The following MCRIP2 variants were observed in gnomAD, a reference collection of about 807,000 sequenced individuals.
The protein encoded by MCRIP2 is MAPK regulated corepressor interacting protein 2, also known as MAPK regulated co-repressor interacting protein 2.
MCRIP2 carries 21 observed loss-of-function variants against 23.2 expected under a neutral mutation model. The ratio of observed to expected loss-of-function variants is 0.90; its 90% CI spans 0.64 to 1.30. MCRIP2 has a LOEUF of 1.30. MCRIP2 is among the 50% of genes most tolerant of loss of function. The probability of loss-of-function intolerance (pLI) is 0.00; values close to 1 mark genes in which losing one functional copy is unlikely to be tolerated. For missense variants in MCRIP2, 234 were observed against 223.2 expected, an observed-to-expected ratio of 1.05 and a Z score of -0.31; for synonymous variants, 121 against 100.2, an observed-to-expected ratio of 1.21 and a Z score of -1.24.
rs762030167 is a variant in MCRIP2, at chr16:648,327, T to C, written c.*137T>C. ...GCATTTGGACTTTTGCACCTTTTTT[T>C]CCCTTGGCCCGGCTGTCCCAACCAA... On this transcript the variant is annotated 3_prime_UTR_variant, in exon 5 of 5. Coordinates refer to ENST00000307650, the MANE Select transcript of MCRIP2 (RefSeq NM_138418.4). The C allele has an allele frequency of 1.5e-5, 13 of 895,570 alleles. No individual in the cohort carries two copies. The South Asian group carries it at 1.8e-4, about 13-fold the overall frequency. The allele number at this position is 895,570 out of a possible 1,614,324, so 55.5% of individuals were successfully genotyped here.
At chr16:647,050 CAG>C (rs2037500811) in intron 2 of MCRIP2, 2 of 279,648 alleles carry the variant, frequency 7.2e-6, no homozygotes. Context: ...TGGCTCAGGT[CAG>C]AATCTGGGCT....
rs1236556780 is a variant in MCRIP2 at position 641,988 on chromosome 16, C to T, written c.-4C>T. On this transcript the variant is annotated 5_prime_UTR_variant, in exon 1 of 5. Transcript: ENST00000307650. ...GGCCGGCGGCGGTGTGGGAGCGGCG[C>T]GTCATGTACACCATCACCAAGGGGC... is the stretch of plus-strand genomic sequence containing the variant. 2.7e-5 allele frequency: 35 copies of T among 1,319,392 alleles called. No individual in the cohort carries two copies. Among genetic ancestry groups the T allele is most frequent in the Admixed American group, 3.9e-5 (1 of 25,532 alleles). 81.7% of individuals were successfully genotyped at this position (1,319,392 alleles called of 1,614,324 possible). A position where few individuals can be genotyped will look rare whatever the true frequency, so the allele number is the denominator to read the frequency against.
chr16:643,136 C>T (rs984681277), intron 2 of MCRIP2: 1 of 152,314 alleles, frequency 6.6e-6, no homozygotes, highest in Non-Finnish European at 1.5e-5. Flanking sequence ...GGGGCTCCAT[C>T]CTAGTGAGGT....
chr16:647,251 C>A, intron 2 of MCRIP2, 166 bp from the exon 3 acceptor site: 1 of 877,294 alleles, frequency 1.1e-6, no homozygotes. Flanking sequence ...GCAAGAGAGG[C>A]CTGGGCCACC....
At chr16:644,146 A>C (rs976624199) in intron 2 of MCRIP2, among the ~76,000 whole-genome samples, 1 of 151,480 alleles carries the variant, frequency 6.6e-6, no homozygotes, top group Non-Finnish European at 1.5e-5. Context: ...CAATGGCAGG[A>C]TCTCCGCTCA....
Position 648,442 on chromosome 16 carries a change from G to C in MCRIP2, c.*252G>C. On this transcript the variant is annotated 3_prime_UTR_variant, in exon 5 of 5. Transcript: ENST00000307650. The stretch of plus-strand genomic sequence containing the variant: ...GACCAGCCCCTGGGGCTGGCAGGGA[G>C]GAGCTCCAGGCTAATAAAGTGGAGA... 2 of 559,140 alleles carry C rather than the reference G, an allele frequency of 3.6e-6. No homozygotes were observed. The highest frequency in any genetic ancestry group is 2.2e-5 in the South Asian group (1 of 46,470). 34.6% of individuals were successfully genotyped at this position (559,140 alleles called of 1,614,324 possible). A position where few individuals can be genotyped will look rare whatever the true frequency, so the allele number is the denominator to read the frequency against.
Position 642,133 on chromosome 16 carries a change from G to A in MCRIP2, c.66G>A (p.Gln22=). 1 of 1,369,870 alleles carries A rather than the reference G, an allele frequency of 7.3e-7. No individual in the cohort carries two copies. Among genetic ancestry groups the A allele is most frequent in the South Asian group, 1.6e-5 (1 of 62,608 alleles). 84.9% of individuals were successfully genotyped at this position (1,369,870 alleles called of 1,614,324 possible). ...CGGTGCCCGCAGGTCCCACGCAGCA[G>A]CAGGTGGAGGGCCGGCTCGGCGAGC... is the stretch of plus-strand genomic sequence containing the variant. The part of the protein sequence containing the change: ...VAQRRTGPTQ[Q]QVEGRLGELL... The change falls in exon 2 of 5, where the codon CAG becomes CAA. Residue 22 remains glutamine, a synonymous_variant. Coordinates refer to ENST00000307650, the MANE Select transcript of MCRIP2 (RefSeq NM_138418.4).
intron 2 of MCRIP2, among the ~76,000 whole-genome samples, chr16:644,674 G>A (rs777937842): frequency 7.2e-5 from 11 of 152,160 alleles, no homozygotes; most frequent in Non-Finnish European, 1.6e-4. Context: ...TCCTGGGCTC[G>A]AGCAATTCTC....
At position 647,454 on chromosome 16, in the gene MCRIP2, C is replaced by T. The variant is rs771395878; in HGVS notation, c.220C>T (p.Arg74Trp). The change falls in exon 3 of 5, where the codon CGG becomes TGG. Residue 74 changes from arginine (R) to tryptophan (W), a missense_variant. By Grantham distance (101) the Arg-to-Trp change is moderately radical. Coordinates refer to ENST00000307650, the MANE Select transcript of MCRIP2 (RefSeq NM_138418.4). The stretch of plus-strand genomic sequence containing the variant: ...GCTTGTGTTCAATCGTGTGAATGGC[C>T]GGCGGGCCCCCTCCACGTCCCCATC... ...PRLVFNRVNG[R>W]RAPSTSPSFE... 1.2e-5 allele frequency: 19 copies of T among 1,613,342 alleles called. No individual in the cohort carries two copies. The highest frequency in any genetic ancestry group is 5.0e-5 in the Admixed American group (3 of 60,002).
intron 2 of MCRIP2, 186 bp downstream of exon 2, chr16:642,435 G>T: frequency 2.3e-6 from 1 of 434,742 alleles, no homozygotes; most frequent in Admixed American, 5.4e-5. Flanking sequence ...CCTGCGCCTC[G>T]CACTTCCGCC....
chr16:642,319 G>T lies in MCRIP2; in HGVS notation c.182+70G>T, dbSNP rs1362098363. 3.6e-6 allele frequency: 4 copies of T among 1,125,580 alleles called. No homozygotes were observed. In the South Asian group the frequency reaches 1.3e-4, roughly 36 times the overall value. 69.7% of individuals were successfully genotyped at this position (1,125,580 alleles called of 1,614,324 possible). On this transcript the variant is annotated intron_variant, in intron 2 of 4. Coordinates refer to ENST00000307650, the MANE Select transcript of MCRIP2 (RefSeq NM_138418.4). ...CCCCCGCCGGCCGCCCTAGAGCGGA[G>T]GGTGACCTTGGGGAAATGTTAGTGA...
intron 2 of MCRIP2, chr16:647,064 C>T: frequency 3.3e-6 from 1 of 300,016 alleles, no homozygotes; most frequent in Non-Finnish European, 6.3e-6. Flanking sequence ...ATCTGGGCTG[C>T]TGATGGGATG....
rs2037484668 is a variant in MCRIP2, at chr16:646,463, T to C, written c.183-954T>C. 1 of 152,004 alleles carries C rather than the reference T, an allele frequency of 6.6e-6. No homozygotes were observed. Among genetic ancestry groups the C allele is most frequent in the Admixed American group, 6.5e-5 (1 of 15,274 alleles). The allele number at this position is 152,004 out of a possible 1,614,324, so 9.4% of individuals were successfully genotyped here. A position where few individuals can be genotyped will look rare whatever the true frequency, so the allele number is the denominator to read the frequency against. Reference sequence around the variant, plus strand: ...CCTGCGCCCCTCAAGACACTCCTCTTTATTTTAGTGCCCCTCTCAGCTGAG... The same window carrying C: ...CCTGCGCCCCTCAAGACACTCCTCTCTATTTTAGTGCCCCTCTCAGCTGAG... On this transcript the variant is annotated intron_variant, in intron 2 of 4. Transcript: ENST00000307650. This position sits in a 1 kb window ranked among gnomAD's most constrained non-coding sequence, Gnocchi z 6.5.
intron 4 of MCRIP2, 62 bp downstream of exon 4, chr16:647,946 G>A (rs2037538997): frequency 8.1e-7 from 1 of 1,233,904 alleles, no homozygotes; most frequent in Admixed American, 2.1e-5. Context: ...CCTGACCCAG[G>A]CCCTGCCAGG....
At chr16:643,230 T>C (rs991829589) in intron 2 of MCRIP2, 1 of 152,302 alleles carries the variant, frequency 6.6e-6, no homozygotes, top group South Asian at 2.1e-4. Flanking sequence ...GCTGGGACGC[T>C]CCGCGGACAT....
chr16:648,099 C>T (rs1207432494), intron 4 of MCRIP2, 21 bp from the exon 5 acceptor site: 18 of 1,584,184 alleles, frequency 1.1e-5, no homozygotes, highest in Non-Finnish European at 1.5e-5. Flanking sequence ...AGCATCACTG[C>T]CCAGCCTTCT....
chr16:647,930 T>G, intron 4 of MCRIP2, 46 bp downstream of exon 4: 1 of 947,622 alleles, frequency 1.1e-6, no homozygotes, highest in Non-Finnish European at 1.4e-6. Flanking sequence ...CCCCAGCCCC[T>G]CTGATCCTGA....
intron 2 of MCRIP2, among the ~76,000 whole-genome samples, chr16:644,028 C>A (rs1001151526): frequency 6.6e-6 from 1 of 152,208 alleles, no homozygotes; most frequent in Non-Finnish European, 1.5e-5. Context: ...GCAGTGGGAT[C>A]TCTGCATGAA....
intron 2 of MCRIP2, among the ~76,000 whole-genome samples, chr16:643,654 C>T (rs990298752): frequency 1.8e-4 from 27 of 150,532 alleles, no homozygotes; most frequent in Non-Finnish European, 3.1e-4. Context: ...AAGCGATTCT[C>T]CTGCCTCAGT....
Sources: allele counts gnomAD v4.1 joint callset (sites outside exome capture counted in the v4.1 genomes callset), GRCh38; gene constraint gnomAD v4.1.1; non-coding constraint Gnocchi (gnomAD v3.1); transcripts MANE v1.5; gene names NCBI Gene and HGNC (gene_info 2026-07-23, HGNC 2026-07-21).